PALLD: variants seen among roughly 807,000 people sequenced by gnomAD.
The protein encoded by PALLD is palladin.
A neutral mutation model predicts 123.5 loss-of-function variants in PALLD; 61 were observed. The ratio of observed to expected loss-of-function variants is 0.49; its 90% confidence interval spans 0.40 to 0.61. PALLD has a LOEUF of 0.61. Among genes scored for constraint, PALLD ranks in the 20% least tolerant of loss-of-function variants. The pLI, the probability that PALLD is intolerant of heterozygous loss-of-function variation, is 0.00. For synonymous variants in PALLD, 465 were observed against 496.4 expected, an observed-to-expected ratio of 0.94 and a Z score of 0.84; for missense variants, 1,273 against 1,377.0, an observed-to-expected ratio of 0.92 and a Z score of 1.20.
chr4:168,520,866 G>T (rs529037002), intron 2 of PALLD, among the ~76,000 whole-genome samples: 6 of 152,316 alleles, frequency 3.9e-5, no homozygotes, highest in Non-Finnish European at 8.8e-5. Flanking sequence ...TGATATTCAA[G>T]GCAAAAGTGG....
chr4:168,728,622 C>G (rs1786828671), intron 10 of PALLD, among the ~76,000 whole-genome samples: 1 of 152,126 alleles, frequency 6.6e-6, no homozygotes, highest in South Asian at 2.1e-4. Context: ...TAGGAATTTT[C>G]TAGATATCGA....
At position 168,894,569 on chromosome 4, in the gene PALLD, CGTT is replaced by C. The variant is rs867266337; in HGVS notation, c.2101-6_2101-4del. ...CTAATTTTGTATTTTTTGTGACTTA[CGTT>C]GTTTAGAGGTTAACATACGAAGAAA... On this transcript the variant is annotated splice_region_variant and splice_polypyrimidine_tract_variant and intron_variant, in intron 11 of 21. Transcript: ENST00000505667. The C allele has an allele frequency of 5.0e-6, 8 of 1,585,008 alleles. No homozygotes were observed. The African/African-American group carries it at 1.1e-4, about 21-fold the overall frequency.
chr4:168,851,456 C>T (rs552516937), intron 10 of PALLD, among the ~76,000 whole-genome samples: 1 of 152,234 alleles, frequency 6.6e-6, no homozygotes, highest in East Asian at 1.9e-4. Context: ...CAACCTCTGC[C>T]TCCCGGGTTC....
At chr4:168,851,789 G>A (rs1030191491) in intron 10 of PALLD, among the ~76,000 whole-genome samples, 7 of 152,090 alleles carry the variant, frequency 4.6e-5, no homozygotes, top group Non-Finnish European at 1.0e-4. Context: ...AAGCATATAG[G>A]TGACGTTACA....
intron 10 of PALLD, among the ~76,000 whole-genome samples, chr4:168,881,746 G>A (rs1752641246): frequency 6.6e-6 from 1 of 152,078 alleles, no homozygotes; most frequent in African/African-American, 2.4e-5. Context: ...TAAAATTAAT[G>A]TATTCTATTC....
intron 10 of PALLD, chr4:168,877,747 C>G: frequency 8.5e-7 from 1 of 1,170,036 alleles, no homozygotes. Context: ...TCCAGCAACT[C>G]CAGAACCAAA....
chr4:168,765,386 T>C (rs1222989649), intron 10 of PALLD, among the ~76,000 whole-genome samples: 1 of 152,040 alleles, frequency 6.6e-6, no homozygotes, highest in African/African-American at 2.4e-5. Context: ...CTGCGTTTTA[T>C]AGGGAAAGGG....
At chr4:168,591,433 G>A (rs755598498) in intron 2 of PALLD, among the ~76,000 whole-genome samples, 8 of 152,144 alleles carry the variant, frequency 5.3e-5, no homozygotes, top group African/African-American at 1.4e-4. Context: ...CCCAGTTTAC[G>A]AAGAGGAGAT....
At chr4:168,523,059 A>C (rs1193972240) in intron 2 of PALLD, among the ~76,000 whole-genome samples, 1 of 152,188 alleles carries the variant, frequency 6.6e-6, no homozygotes, top group Non-Finnish European at 1.5e-5. Context: ...GGTCCAAAAA[A>C]TGTAAATAAA....
intron 8 of PALLD, chr4:168,700,981 C>T (rs1341290984): frequency 6.6e-6 from 1 of 151,966 alleles, no homozygotes; most frequent in Non-Finnish European, 1.5e-5. Context: ...AGAGCAAGAC[C>T]CTACCTTTAT....
intron 2 of PALLD, among the ~76,000 whole-genome samples, chr4:168,603,478 G>T (rs1580529483): frequency 6.6e-6 from 1 of 152,236 alleles, no homozygotes; most frequent in East Asian, 1.9e-4. Context: ...TTTTATCAAT[G>T]ACATTTTATT....
At chr4:168,573,398 G>T (rs1226147044) in intron 2 of PALLD, among the ~76,000 whole-genome samples, 2 of 151,834 alleles carry the variant, frequency 1.3e-5, no homozygotes, top group Non-Finnish European at 2.9e-5. Context: ...CTTTCACTAG[G>T]TCTTTAGTTC....
chr4:168,688,853 A>G (rs570989054), intron 6 of PALLD, among the ~76,000 whole-genome samples: 39 of 152,290 alleles, frequency 2.6e-4, no homozygotes, highest in African/African-American at 8.9e-4. Context: ...CATGAAAAAT[A>G]TTTTGGTGCC....
intron 2 of PALLD, among the ~76,000 whole-genome samples, chr4:168,584,173 T>C (rs979019680): frequency 2.6e-5 from 4 of 151,804 alleles, no homozygotes; most frequent in African/African-American, 9.7e-5. Flanking sequence ...AGACATCAGG[T>C]AAAATCTAGC....
intron 10 of PALLD, among the ~76,000 whole-genome samples, chr4:168,745,854 T>C (rs929524140): frequency 7.9e-5 from 12 of 152,204 alleles, no homozygotes; most frequent in Non-Finnish European, 1.5e-4. Context: ...GAGGACTATA[T>C]GCAGGAGAAA....
At chr4:168,544,476 T>G (rs565706983) in intron 2 of PALLD, among the ~76,000 whole-genome samples, 37 of 152,348 alleles carry the variant, frequency 2.4e-4, no homozygotes, top group African/African-American at 7.5e-4. Context: ...CTTCCCAGGA[T>G]CTACTAGGCA....
At chr4:168,905,215 A>G (rs1757443146) in intron 15 of PALLD, among the ~76,000 whole-genome samples, 1 of 125,316 alleles carries the variant, frequency 8.0e-6, no homozygotes, top group East Asian at 2.8e-4. Context: ...CAGTGGCGCG[A>G]TCTCGGCTCA....
rs188086023 is a variant in PALLD at position 168,784,267 on chromosome 4, A to G, written c.1964+72344A>G. ...AGGATTGCTTGAGCCCAGGAATTCA[A>G]GGCTGCAGTAAGCTGTGATTGTGCC... is the stretch of plus-strand genomic sequence containing the variant. On this transcript the variant is annotated intron_variant, in intron 10 of 21. Coordinates refer to ENST00000505667, the MANE Select transcript of PALLD (RefSeq NM_001166108.2). Among the ~76,000 whole-genome samples, 1,330 of 152,206 alleles carry G rather than the reference A, an allele frequency of 8.7e-3. 8 individuals carry two copies. Among genetic ancestry groups the G allele is most frequent in the Non-Finnish European group, 0.015 (1,009 of 67,986 alleles).
At chr4:168,746,380 CAAAAAAAAAAAAAAAAA>C (rs747755592) in intron 10 of PALLD, among the ~76,000 whole-genome samples, 1 of 37,016 alleles carries the variant, frequency 2.7e-5, no homozygotes, top group Non-Finnish European at 5.4e-5. Flanking sequence ...GAACCCGTCT[CAAAAAAAAAAAAAAAAA>C]AAAAAAAAAA....
Sources: gnomAD v4.1 joint callset for allele counts (sites outside exome capture counted in the v4.1 genomes callset) on GRCh38, gnomAD v4.1.1 for gene constraint, MANE v1.5 for transcripts, NCBI Gene and HGNC (gene_info 2026-07-23, HGNC 2026-07-21) for gene names.